Variants in SGMS1 observed in about 807,000 individuals in gnomAD.
The protein encoded by SGMS1 is sphingomyelin synthase 1.
SGMS1 carries 13 observed loss-of-function variants against 46.2 expected under a neutral mutation model. The observed-to-expected ratio is 0.28, with a 90% confidence interval of 0.18 to 0.45. The LOEUF is 0.45. Ranked by LOEUF, SGMS1 falls within the 20% of genes least tolerant of loss-of-function variation. The probability of loss-of-function intolerance (pLI) is 1.00; values close to 1 mark genes in which losing one functional copy is unlikely to be tolerated. For synonymous variants in SGMS1, 203 were observed against 187.8 expected (o/e 1.08, Z -0.66); for missense variants, 324 against 519.9 (o/e 0.62, Z 3.66).
intron 5 of SGMS1, among the ~76,000 whole-genome samples, chr10:50,436,881 G>A (rs986113883): frequency 2.6e-5 from 4 of 152,074 alleles, no homozygotes; most frequent in African/African-American, 9.7e-5. Context: ...TTCCTCTATG[G>A]GAGACAGTAT....
intron 3 of SGMS1, among the ~76,000 whole-genome samples, chr10:50,485,461 G>A (rs1316707113): frequency 6.6e-6 from 1 of 152,130 alleles, no homozygotes; most frequent in Non-Finnish European, 1.5e-5. Context: ...CATTAAAATG[G>A]CCATACTGCC....
chr10:50,557,245 A>G (rs1270737481), intron 2 of SGMS1, among the ~76,000 whole-genome samples: 2 of 152,212 alleles, frequency 1.3e-5, no homozygotes, highest in Non-Finnish European at 2.9e-5. Context: ...AATTTTTTAG[A>G]TATTCACAAT....
At chr10:50,524,348 C>T (rs912629182) in intron 2 of SGMS1, among the ~76,000 whole-genome samples, 4 of 152,194 alleles carry the variant, frequency 2.6e-5, no homozygotes, top group Non-Finnish European at 5.9e-5. Flanking sequence ...AAAACAAGAC[C>T]TCCATGAACT....
rs74504885 is a variant in SGMS1, at chr10:50,387,732, G to A, written c.-231-43387C>T. Among the ~76,000 whole-genome samples the A allele has an allele frequency of 6.3e-3, 952 of 152,310 alleles. 6 individuals are homozygous for A. Among genetic ancestry groups the A allele is most frequent in the African/African-American group, 0.021 (868 of 41,568 alleles). ...AAATTAAATTTAACAGAGGTTAATT[G>A]AGCAAAGAACGATTCATGAATCAAG... On this transcript the variant is annotated intron_variant, in intron 6 of 10. Transcript: ENST00000361781.
At chr10:50,518,660 C>A (rs184027868) in intron 3 of SGMS1, among the ~76,000 whole-genome samples, 1 of 152,152 alleles carries the variant, frequency 6.6e-6, no homozygotes, top group Non-Finnish European at 1.5e-5. Flanking sequence ...CTTAGGTGAT[C>A]TGCCTGCCTC....
chr10:50,430,367 T>G (rs1309340472), intron 6 of SGMS1, among the ~76,000 whole-genome samples: 1 of 151,764 alleles, frequency 6.6e-6, no homozygotes, highest in African/African-American at 2.4e-5. Flanking sequence ...CTTACTATAT[T>G]GTCAACTGAA....
chr10:50,511,262 C>CAG (rs1564421243), intron 3 of SGMS1, among the ~76,000 whole-genome samples: 1 of 145,582 alleles, frequency 6.9e-6, no homozygotes, highest in East Asian at 2.0e-4. Flanking sequence ...CACACACACA[C>CAG]ACACACACAC....
intron 1 of SGMS1, among the ~76,000 whole-genome samples, chr10:50,606,242 C>T (rs1013700376): frequency 6.6e-6 from 1 of 152,178 alleles, no homozygotes; most frequent in Non-Finnish European, 1.5e-5. Flanking sequence ...TAAATAGTTC[C>T]ACTTATATGA....
Position 50,425,218 on chromosome 10 carries a change from C to T in SGMS1, c.-232+8258G>A, listed in dbSNP as rs181580518. Among the ~76,000 whole-genome samples, 6 of 152,270 alleles carry T rather than the reference C, an allele frequency of 3.9e-5. No homozygotes were observed. The East Asian group carries it at 1.2e-3, about 29-fold the overall frequency. On this transcript the variant is annotated intron_variant, in intron 6 of 10. Transcript: ENST00000361781. ...TCTCAAACAACTAAAAATAGAATTA[C>T]CATTTGATCCAGCAATCCATTACTG... is the stretch of plus-strand genomic sequence containing the variant.
intron 6 of SGMS1, among the ~76,000 whole-genome samples, chr10:50,382,517 A>G (rs1848620380): frequency 6.6e-6 from 1 of 151,706 alleles, no homozygotes; most frequent in South Asian, 2.1e-4. Flanking sequence ...AGCTATAAAG[A>G]CTTTTCAAAG....
At chr10:50,382,259 TCAG>T (rs1848617514) in intron 6 of SGMS1, among the ~76,000 whole-genome samples, 1 of 152,092 alleles carries the variant, frequency 6.6e-6, no homozygotes, top group African/African-American at 2.4e-5. Flanking sequence ...ATTAAACAAA[TCAG>T]TGCCCTTAGA....
intron 3 of SGMS1, among the ~76,000 whole-genome samples, chr10:50,512,759 T>A (rs1157276422): frequency 1.3e-5 from 2 of 152,190 alleles, no homozygotes; most frequent in Admixed American, 6.5e-5. Context: ...CAACATAAAT[T>A]TAAAACTATC....
intron 1 of SGMS1, among the ~76,000 whole-genome samples, chr10:50,607,604 C>T (rs1434008792): frequency 6.6e-6 from 1 of 152,166 alleles, no homozygotes; most frequent in Non-Finnish European, 1.5e-5. Flanking sequence ...CTTAAGGATG[C>T]ATTTTTCTCT....
intron 6 of SGMS1, among the ~76,000 whole-genome samples, chr10:50,367,849 G>C (rs980035090): frequency 1.3e-5 from 2 of 152,122 alleles, no homozygotes; most frequent in Non-Finnish European, 2.9e-5. Flanking sequence ...CTCCCTAGAG[G>C]ATAATCCTTA....
At chr10:50,559,239 C>T (rs575203314) in intron 2 of SGMS1, among the ~76,000 whole-genome samples, 2 of 152,354 alleles carry the variant, frequency 1.3e-5, no homozygotes, top group South Asian at 4.1e-4. Context: ...TAATCTTTTA[C>T]TTCAACTACT....
rs566657580 is a variant in SGMS1 at position 50,353,907 on chromosome 10, G to A, written c.-231-9562C>T. On this transcript the variant is annotated intron_variant, in intron 6 of 10. Coordinates refer to ENST00000361781, the MANE Select transcript of SGMS1 (RefSeq NM_147156.4). ...GGGATGTGAAGGACCTCTTCAAGGA[G>A]AACTACAAAACCACTGCTCAATGAA... 1.9e-4 allele frequency among the ~76,000 whole-genome samples: 29 copies of A among 152,218 alleles called. No homozygotes were observed. The East Asian group carries it at 5.4e-3, about 28-fold the overall frequency.
intron 2 of SGMS1, among the ~76,000 whole-genome samples, chr10:50,565,811 C>T (rs761109139): frequency 9.2e-5 from 14 of 152,212 alleles, no homozygotes; most frequent in Non-Finnish European, 1.6e-4. Context: ...AAGGCCATCA[C>T]TTCCTCCATC....
intron 6 of SGMS1, among the ~76,000 whole-genome samples, chr10:50,411,110 G>T (rs974143042): frequency 6.6e-6 from 1 of 152,130 alleles, no homozygotes; most frequent in Non-Finnish European, 1.5e-5. Flanking sequence ...CACCATACTC[G>T]TGGTAGAAGC....
intron 2 of SGMS1, among the ~76,000 whole-genome samples, chr10:50,567,913 C>A (rs1838304018): frequency 6.6e-6 from 1 of 152,158 alleles, no homozygotes; most frequent in African/African-American, 2.4e-5. Flanking sequence ...TTTCTTATTT[C>A]ATCACTGTAT....
Sources: allele counts gnomAD v4.1 joint callset (sites outside exome capture counted in the v4.1 genomes callset), GRCh38; gene constraint gnomAD v4.1.1; transcripts MANE v1.5; gene names NCBI Gene and HGNC (gene_info 2026-07-23, HGNC 2026-07-21).